ASB15: variants seen among roughly 807,000 people sequenced by gnomAD.
ASB15 encodes ankyrin repeat and SOCS box containing 15, also known as ankyrin repeat and SOCS box protein 15.
A neutral mutation model predicts 58.0 loss-of-function variants in ASB15; 54 were observed. The ratio of observed to expected loss-of-function variants is 0.93; its 90% CI spans 0.75 to 1.17. The LOEUF (loss-of-function observed/expected upper bound fraction) is 1.17, where lower values mean the gene tolerates loss of function less well. ASB15 is among the 50% of genes most tolerant of loss of function. ASB15 has a pLI of 0.00. For missense variants in ASB15, 680 were observed against 707.4 expected (o/e 0.96, Z 0.44); for synonymous variants, 249 against 262.4 (o/e 0.95, Z 0.50).
Position 123,630,267 on chromosome 7 carries a change from T to C in ASB15, c.1594+148T>C, listed in dbSNP as rs942649705. ...TTAAAATCATCCTTAACACTTCCTC[T>C]GTTGTAAGATACATATTTTCATTTT... On this transcript the variant is annotated intron_variant, in intron 11 of 11. Coordinates refer to ENST00000451215, the MANE Select transcript of ASB15 (RefSeq NM_001290258.2). 1.6e-5 allele frequency: 9 copies of C among 562,544 alleles called. No homozygotes were observed. The East Asian group carries it at 2.7e-4, about 17-fold the overall frequency. 34.8% of individuals were successfully genotyped at this position (562,544 alleles called of 1,614,324 possible). A position where few individuals can be genotyped will look rare whatever the true frequency, so the allele number is the denominator to read the frequency against.
At chr7:123,613,537 G>T (rs77739715) in intron 3 of ASB15, among the ~76,000 whole-genome samples, 4 of 152,252 alleles carry the variant, frequency 2.6e-5, no homozygotes, top group Non-Finnish European at 4.4e-5. Context: ...ATAAGCAAAT[G>T]AAGACTAATC....
At chr7:123,567,956 T>G (rs571706553) in intron 1 of ASB15, among the ~76,000 whole-genome samples, 3 of 152,066 alleles carry the variant, frequency 2.0e-5, no homozygotes, top group South Asian at 2.1e-4. Context: ...TTTTTACCTG[T>G]TTTTTTTCTC....
At chr7:123,588,476 CTT>C (rs762603246) in intron 1 of ASB15, among the ~76,000 whole-genome samples, 8 of 151,348 alleles carry the variant, frequency 5.3e-5, no homozygotes, top group Non-Finnish European at 1.0e-4. Context: ...GATCTTTTCT[CTT>C]GTTTGTCTTA....
intron 1 of ASB15, among the ~76,000 whole-genome samples, chr7:123,590,749 T>C (rs773353613): frequency 6.6e-6 from 1 of 152,170 alleles, no homozygotes; most frequent in Non-Finnish European, 1.5e-5. Flanking sequence ...TCCAACTTTG[T>C]TCTATTTGCT....
chr7:123,608,408 A>G (rs1378616779), intron 2 of ASB15, among the ~76,000 whole-genome samples, 186 bp from the exon 3 acceptor site: 1 of 152,178 alleles, frequency 6.6e-6, no homozygotes, highest in African/African-American at 2.4e-5. Context: ...TCTACAGATC[A>G]TTTTGCCTTT....
chr7:123,571,826 A>T (rs539592219), intron 1 of ASB15, among the ~76,000 whole-genome samples: 2 of 152,126 alleles, frequency 1.3e-5, no homozygotes, highest in South Asian at 4.2e-4. Context: ...GTGCAGTGGC[A>T]TGATCATGAC....
chr7:123,584,174 CTT>C (rs1467380638), intron 1 of ASB15, among the ~76,000 whole-genome samples: 2 of 151,794 alleles, frequency 1.3e-5, no homozygotes, highest in Admixed American at 1.3e-4. Flanking sequence ...TCTTGTTAGA[CTT>C]TGATAGGTAT....
chr7:123,638,068 C>G lies in ASB15; in HGVS notation c.*1087C>G, dbSNP rs1802514200. On this transcript the variant is annotated 3_prime_UTR_variant, in exon 12 of 12. Transcript: ENST00000451215. ...TCTTCCACTCAGCAGCCCCCCACCA[C>G]CCACCCCGCATTTGGCCCTAAGTCT... The G allele has an allele frequency of 6.6e-6, 1 of 152,006 alleles. No homozygotes were observed. The highest frequency in any genetic ancestry group is 2.4e-5 in the African/African-American group (1 of 41,336). 9.4% of individuals were successfully genotyped at this position (152,006 alleles called of 1,614,324 possible).
intron 1 of ASB15, among the ~76,000 whole-genome samples, chr7:123,585,701 A>T (rs1002310642): frequency 6.6e-6 from 1 of 151,550 alleles, no homozygotes; most frequent in African/African-American, 2.4e-5. Flanking sequence ...GCAAACTTTA[A>T]GTATACTATA....
chr7:123,596,745 A>G (rs1799706378), intron 1 of ASB15, among the ~76,000 whole-genome samples: 1 of 152,224 alleles, frequency 6.6e-6, no homozygotes, highest in African/African-American at 2.4e-5. Flanking sequence ...GCTTTTTACA[A>G]TCAAATATTA....
chr7:123,596,246 T>A (rs1799688842), intron 1 of ASB15: 1 of 152,100 alleles, frequency 6.6e-6, no homozygotes, highest in Non-Finnish European at 1.5e-5. Flanking sequence ...TGGCTCCAAT[T>A]TGAAATATAA....
At chr7:123,619,014 A>C (rs1377609766) in intron 7 of ASB15, among the ~76,000 whole-genome samples, 2 of 151,836 alleles carry the variant, frequency 1.3e-5, no homozygotes, top group Non-Finnish European at 1.5e-5. Flanking sequence ...TCTCTACTAA[A>C]AATACAAAAA....
intron 2 of ASB15, among the ~76,000 whole-genome samples, chr7:123,607,565 C>T (rs1281965597): frequency 6.6e-6 from 1 of 152,166 alleles, no homozygotes; most frequent in African/African-American, 2.4e-5. Context: ...TGGCTCACTG[C>T]AGCCTCGACC....
intron 7 of ASB15, among the ~76,000 whole-genome samples, chr7:123,618,315 G>A (rs1388536872): frequency 6.6e-6 from 1 of 152,176 alleles, no homozygotes; most frequent in Non-Finnish European, 1.5e-5. Context: ...GTCTGTTTGT[G>A]AAAGCAGAGA....
chr7:123,634,213 A>G (rs1285065752), intron 11 of ASB15, among the ~76,000 whole-genome samples: 2 of 150,970 alleles, frequency 1.3e-5, no homozygotes, highest in African/African-American at 4.9e-5. Context: ...CACCCCCCCG[A>G]CAGGCCCCAC....
chr7:123,573,942 A>C (rs891622035), intron 1 of ASB15, among the ~76,000 whole-genome samples: 2 of 152,144 alleles, frequency 1.3e-5, no homozygotes, highest in African/African-American at 4.8e-5. Context: ...AAAATTACAA[A>C]TTTACAATAT....
chr7:123,626,891 C>A (rs982369179), intron 8 of ASB15, among the ~76,000 whole-genome samples: 2 of 152,104 alleles, frequency 1.3e-5, no homozygotes, highest in Non-Finnish European at 2.9e-5. Flanking sequence ...GTGCACGCCA[C>A]CGTGCCCAGC....
intron 11 of ASB15, among the ~76,000 whole-genome samples, chr7:123,632,068 A>T (rs1363297684): frequency 2.0e-5 from 3 of 152,010 alleles, no homozygotes; most frequent in African/African-American, 4.8e-5. Context: ...ACAGAGCGAG[A>T]CTCCATCTCA....
At chr7:123,570,326 G>A (rs1199016094) in intron 1 of ASB15, among the ~76,000 whole-genome samples, 6 of 151,948 alleles carry the variant, frequency 3.9e-5, no homozygotes, top group East Asian at 3.9e-4. Flanking sequence ...GTGAGCCACC[G>A]CGCCCAGCCT....
Sources: allele counts gnomAD v4.1 joint callset (sites outside exome capture counted in the v4.1 genomes callset), GRCh38; gene constraint gnomAD v4.1.1; transcripts MANE v1.5; gene names NCBI Gene and HGNC (gene_info 2026-07-23, HGNC 2026-07-21).